HMGCLL1: variants seen among roughly 807,000 people sequenced by gnomAD.
The protein encoded by HMGCLL1 is 3-hydroxy-3-methylglutaryl-CoA lyase like 1.
HMGCLL1 carries 36 observed loss-of-function variants against 39.1 expected under a neutral mutation model. That is an observed-to-expected ratio of 0.92 (90% confidence interval 0.71 to 1.22). HMGCLL1 has a LOEUF of 1.22. Ranked by LOEUF, HMGCLL1 falls within the 50% of genes most tolerant of loss-of-function variation. HMGCLL1 has a pLI of 0.00. For missense variants in HMGCLL1, 451 were observed against 416.5 expected, an observed-to-expected ratio of 1.08 and a Z score of -0.72; for synonymous variants, 149 against 144.0, an observed-to-expected ratio of 1.03 and a Z score of -0.25.
At chr6:55,530,074 TGGG>T (rs201694892) in intron 3 of HMGCLL1, among the ~76,000 whole-genome samples, 1 of 31,036 alleles carries the variant, frequency 3.2e-5, no homozygotes, top group East Asian at 8.0e-4. Context: ...GGTGGGGGGT[TGGG>T]GGGCGGGGTG....
intron 7 of HMGCLL1, among the ~76,000 whole-genome samples, chr6:55,466,403 CGCTTTGAGAATCT>C (rs1411415547): frequency 6.6e-5 from 10 of 152,152 alleles, no homozygotes; most frequent in African/African-American, 2.4e-4. Context: ...TTTGAGAATC[CGCTTTGAGAATCT>C]GCTTTGAGAA....
At chr6:55,614,371 G>A in the HMGCLL1 span, among the ~76,000 whole-genome samples, 6 of 152,086 alleles carry the variant, frequency 3.9e-5, no homozygotes, top group East Asian at 7.7e-4. Context: ...TAAGAAGCAC[G>A]GTCTGCAAAT....
chr6:55,677,996 T>C, the HMGCLL1 span, among the ~76,000 whole-genome samples: 1 of 152,188 alleles, frequency 6.6e-6, no homozygotes, highest in African/African-American at 2.4e-5. Context: ...AGTGAGACTG[T>C]GTCATTGTAC....
At chr6:55,500,622 G>A (rs1581862857) in intron 5 of HMGCLL1, among the ~76,000 whole-genome samples, 1 of 151,926 alleles carries the variant, frequency 6.6e-6, no homozygotes, top group African/African-American at 2.4e-5. Context: ...AAGGATAAAA[G>A]AGGATAAATT....
At chr6:55,542,855 ATATATT>A (rs1769540987) in intron 1 of HMGCLL1, among the ~76,000 whole-genome samples, 1 of 137,326 alleles carries the variant, frequency 7.3e-6, no homozygotes, top group Non-Finnish European at 1.5e-5. Flanking sequence ...ATAAATATAT[ATATATT>A]TATATATTTT....
the HMGCLL1 span, among the ~76,000 whole-genome samples, chr6:55,587,369 AGAGATTTTGTCACCACCAG>A: frequency 2.0e-5 from 3 of 152,024 alleles, no homozygotes; most frequent in East Asian, 5.8e-4. Flanking sequence ...GCAAATGTTG[AGAGATTTTGTCACCACCAG>A]GCCTGCCTTA....
At chr6:55,631,781 T>C in the HMGCLL1 span, among the ~76,000 whole-genome samples, 1 of 152,110 alleles carries the variant, frequency 6.6e-6, no homozygotes, top group East Asian at 1.9e-4. Context: ...CATGACAAAT[T>C]AATGAACACA....
At chr6:55,613,843 A>G in the HMGCLL1 span, among the ~76,000 whole-genome samples, 1 of 152,140 alleles carries the variant, frequency 6.6e-6, no homozygotes, top group South Asian at 2.1e-4. Context: ...TACCAAGGTG[A>G]TGTGTTGATA....
At chr6:55,589,396 T>C in the HMGCLL1 span, among the ~76,000 whole-genome samples, 5 of 152,202 alleles carry the variant, frequency 3.3e-5, no homozygotes, top group South Asian at 2.1e-4. Context: ...ATTGATGGGA[T>C]GTATCTCAAA....
intron 7 of HMGCLL1, among the ~76,000 whole-genome samples, chr6:55,463,279 A>G (rs2127397806): frequency 6.6e-6 from 1 of 151,854 alleles, no homozygotes; most frequent in East Asian, 1.9e-4. Flanking sequence ...CAAACCGCCT[A>G]CCTCGGCCTC....
At chr6:55,618,828 A>G in the HMGCLL1 span, among the ~76,000 whole-genome samples, 7 of 152,098 alleles carry the variant, frequency 4.6e-5, no homozygotes, top group African/African-American at 1.7e-4. Flanking sequence ...AAAGCTAAAC[A>G]CCTTAAACAT....
the HMGCLL1 span, among the ~76,000 whole-genome samples, chr6:55,601,758 T>A: frequency 5.9e-5 from 9 of 152,296 alleles, no homozygotes; most frequent in Non-Finnish European, 7.4e-5. Context: ...TTGACTTGGC[T>A]ATTAATCACT....
chr6:55,510,232 T>C (rs897229991), intron 5 of HMGCLL1, among the ~76,000 whole-genome samples: 2 of 151,978 alleles, frequency 1.3e-5, no homozygotes, highest in South Asian at 2.1e-4. Flanking sequence ...GGCCATCTTA[T>C]AGGAGAAGTA....
chr6:55,457,346 C>A (rs1764368221), intron 7 of HMGCLL1, among the ~76,000 whole-genome samples: 1 of 152,016 alleles, frequency 6.6e-6, no homozygotes. Context: ...TCCTTGAATC[C>A]CATTTTCAGG....
chr6:55,557,391 C>A (rs1464471589), intron 1 of HMGCLL1, among the ~76,000 whole-genome samples: 1 of 152,026 alleles, frequency 6.6e-6, no homozygotes, highest in East Asian at 1.9e-4. Flanking sequence ...TGCTCCTGGG[C>A]AGTGCTTGCC....
chr6:55,578,207 A>G (rs974727515), intron 1 of HMGCLL1, among the ~76,000 whole-genome samples: 4 of 152,210 alleles, frequency 2.6e-5, no homozygotes, highest in African/African-American at 9.7e-5. Flanking sequence ...CAACATTTTC[A>G]TAACAATTAT....
chr6:55,448,741 A>C (rs1031949631), intron 7 of HMGCLL1, among the ~76,000 whole-genome samples: 4 of 152,138 alleles, frequency 2.6e-5, no homozygotes, highest in Non-Finnish European at 5.9e-5. Flanking sequence ...CTTGGCATAA[A>C]ATAATTAGAC....
intron 5 of HMGCLL1, 194 bp downstream of exon 5, chr6:55,513,854 A>G (rs951191868): frequency 9.1e-6 from 5 of 548,898 alleles, no homozygotes; most frequent in African/African-American, 6.0e-5. Context: ...ACATTCCACA[A>G]GCTAGATACT....
chr6:55,671,779 C>T, the HMGCLL1 span, among the ~76,000 whole-genome samples: 1 of 151,326 alleles, frequency 6.6e-6, no homozygotes, highest in African/African-American at 2.4e-5. Context: ...TTACAGCAGC[C>T]GTATCTTCTT....
Sources: allele counts gnomAD v4.1 joint callset (sites outside exome capture counted in the v4.1 genomes callset), GRCh38; gene constraint gnomAD v4.1.1; transcripts MANE v1.5; gene names NCBI Gene and HGNC (gene_info 2026-07-23, HGNC 2026-07-21).